The following ENTPD4 variants were observed in gnomAD, a reference collection of about 807,000 sequenced individuals.
ENTPD4 encodes ectonucleoside triphosphate diphosphohydrolase 4, also known as Golgi UDPase.
A neutral mutation model predicts 79.1 loss-of-function variants in ENTPD4; 60 were observed. That is an observed-to-expected ratio of 0.76 (90% CI 0.62 to 0.94). The LOEUF (loss-of-function observed/expected upper bound fraction) is 0.94, where lower values mean the gene tolerates loss of function less well. Among genes scored for constraint, ENTPD4 ranks in the 40% least tolerant of loss-of-function variants. ENTPD4 has a pLI of 0.00. For missense variants in ENTPD4, 772 were observed against 775.1 expected (o/e 1.00, Z 0.05); for synonymous variants, 276 against 292.0 (o/e 0.95, Z 0.56).
rs944237579 is a variant in ENTPD4 at position 23,447,555 on chromosome 8, A to G, written c.412+125T>C. On this transcript the variant is annotated intron_variant, in intron 4 of 12. Coordinates refer to ENST00000358689, the MANE Select transcript of ENTPD4 (RefSeq NM_004901.5). ...AGGGAAAAGAAAGTGAAACAAGGAG[A>G]CCCATCAGGTCCTGGTGTGAGGTTT... 53 of 747,726 alleles carry G rather than the reference A, an allele frequency of 7.1e-5. No homozygotes were observed. In the Admixed American group the frequency reaches 1.1e-3, roughly 16 times the overall value. The allele number at this position is 747,726 out of a possible 1,614,324, so 46.3% of individuals were successfully genotyped here.
At position 23,430,844 on chromosome 8, in the gene ENTPD4, A is replaced by T; in HGVS notation, c.*2082T>A. The stretch of plus-strand genomic sequence containing the variant: ...TCGCCAGCTCCCTGCAGCCTCCACC[A>T]ATAATCCATGGCTCCTCCAGGAAGT... On this transcript the variant is annotated 3_prime_UTR_variant, in exon 13 of 13. Transcript: ENST00000358689. The T allele has an allele frequency of 1.0e-6, 1 of 985,528 alleles. No homozygotes were observed. Among genetic ancestry groups the T allele is most frequent in the Non-Finnish European group, 1.2e-6 (1 of 830,056 alleles). The allele number at this position is 985,528 out of a possible 1,614,324, so 61.0% of individuals were successfully genotyped here. A position where few individuals can be genotyped will look rare whatever the true frequency, so the allele number is the denominator to read the frequency against.
chr8:23,455,325 T>C (rs1458126775), intron 1 of ENTPD4, among the ~76,000 whole-genome samples: 1 of 152,158 alleles, frequency 6.6e-6, no homozygotes, highest in African/African-American at 2.4e-5. Context: ...GAAGGGTACT[T>C]CAGAAAAGAA....
chr8:23,441,962 C>T (rs1302025659), intron 7 of ENTPD4, 45 bp downstream of exon 7: 1 of 1,527,526 alleles, frequency 6.5e-7, no homozygotes, highest in East Asian at 2.3e-5. Context: ...AACAGAAAAG[C>T]ACCAATTTCC....
intron 6 of ENTPD4, among the ~76,000 whole-genome samples, 200 bp downstream of exon 6, chr8:23,443,650 C>A (rs984970881): frequency 4.6e-5 from 7 of 152,190 alleles, no homozygotes; most frequent in Admixed American, 1.3e-4. Flanking sequence ...AAACGGTTAT[C>A]TTTCAGTGGC....
rs1488365533 is a variant in ENTPD4, at chr8:23,431,946, A to G, written c.*980T>C. 2 of 985,318 alleles carry G rather than the reference A, an allele frequency of 2.0e-6. No homozygotes were observed. The highest frequency in any genetic ancestry group is 1.1e-4 in the East Asian group (1 of 8,830). The allele number at this position is 985,318 out of a possible 1,614,324, so 61.0% of individuals were successfully genotyped here. On this transcript the variant is annotated 3_prime_UTR_variant, in exon 13 of 13. Coordinates refer to ENST00000358689, the MANE Select transcript of ENTPD4 (RefSeq NM_004901.5). ...ATTTTTCTAAATAAAATGTACCAGT[A>G]AATTCTGAAGTGTGTGTTTTTAAAG...
chr8:23,440,864 T>G (rs1454754464), intron 8 of ENTPD4, among the ~76,000 whole-genome samples: 5 of 152,180 alleles, frequency 3.3e-5, no homozygotes, highest in South Asian at 2.1e-4. Context: ...AGGAGGAGGA[T>G]GATGAAGAAA....
At chr8:23,447,194 A>G (rs927808610) in intron 4 of ENTPD4, among the ~76,000 whole-genome samples, 7 of 152,232 alleles carry the variant, frequency 4.6e-5, no homozygotes, top group African/African-American at 1.4e-4. Context: ...TATCTTTAAA[A>G]ACTATACATA....
At chr8:23,436,767 T>C (rs1263014971) in intron 10 of ENTPD4, among the ~76,000 whole-genome samples, 167 bp downstream of exon 10, 1 of 152,156 alleles carries the variant, frequency 6.6e-6, no homozygotes, top group African/African-American at 2.4e-5. Context: ...ACTTCTGCTG[T>C]GACTATTCAA....
At chr8:23,435,223 G>A (rs1021902937) in intron 11 of ENTPD4, among the ~76,000 whole-genome samples, 169 bp downstream of exon 11, 1 of 152,200 alleles carries the variant, frequency 6.6e-6, no homozygotes, top group Non-Finnish European at 1.5e-5. Context: ...AAAAGATACG[G>A]AATATGTCTG....
Position 23,431,692 on chromosome 8 carries a change from G to C in ENTPD4, c.*1234C>G. 1 of 985,498 alleles carries C rather than the reference G, an allele frequency of 1.0e-6. No homozygotes were observed. The highest frequency in any genetic ancestry group is 1.2e-6 in the Non-Finnish European group (1 of 830,030). The allele number at this position is 985,498 out of a possible 1,614,324, so 61.0% of individuals were successfully genotyped here. ...AAAGCTGAGATGACTTTTAATTAAG[G>C]GGGGTGGGGGAAACACCAATTGGAA... On this transcript the variant is annotated 3_prime_UTR_variant, in exon 13 of 13. Coordinates refer to ENST00000358689, the MANE Select transcript of ENTPD4 (RefSeq NM_004901.5).
intron 3 of ENTPD4, among the ~76,000 whole-genome samples, chr8:23,448,342 T>C (rs1585409174): frequency 6.6e-6 from 1 of 152,158 alleles, no homozygotes; most frequent in Non-Finnish European, 1.5e-5. Flanking sequence ...CCAAACGTCG[T>C]GAAGCCATGA....
Position 23,437,253 on chromosome 8 carries a change from A to G in ENTPD4, c.1055T>C (p.Leu352Pro), listed in dbSNP as rs770836670. 1.3e-5 allele frequency: 20 copies of G among 1,582,896 alleles called. No individual in the cohort carries two copies. The Middle Eastern group carries it at 1.0e-3, about 81-fold the overall frequency. Residue 352 changes from leucine to proline, a missense_variant, in exon 10 of 13, where the codon CTG becomes CCG. Leu to Pro is a moderately conservative substitution (Grantham distance 98, BLOSUM62 -3). Coordinates refer to ENST00000358689, the MANE Select transcript of ENTPD4 (RefSeq NM_004901.5). Reference protein sequence around the residue: ...FANTIQKNRLLGKQTGLTPDM... With the variant: ...FANTIQKNRLPGKQTGLTPDM... The stretch of plus-strand genomic sequence containing the variant: ...AGGAGTCAGACCAGTCTGTTTACCC[A>G]GGAGCCTATGGCAAAACAAGAAACT...
intron 4 of ENTPD4, among the ~76,000 whole-genome samples, chr8:23,446,343 A>G (rs1472213545): frequency 6.6e-6 from 1 of 152,212 alleles, no homozygotes; most frequent in East Asian, 1.9e-4. Flanking sequence ...GGGACCTGGT[A>G]CGTGAAGCTA....
chr8:23,446,069 C>T (rs973173125), intron 4 of ENTPD4, among the ~76,000 whole-genome samples: 4 of 152,202 alleles, frequency 2.6e-5, no homozygotes, highest in African/African-American at 9.6e-5. Context: ...ACTAGCCAGA[C>T]CCTATTAAGA....
rs1168190751 is a variant in ENTPD4, at chr8:23,432,026, C to CA, written c.*899dup. 1 of 985,374 alleles carries CA rather than the reference C, an allele frequency of 1.0e-6. No individual in the cohort carries two copies. Among genetic ancestry groups the CA allele is most frequent in the East Asian group, 1.1e-4 (1 of 8,810 alleles). The allele number at this position is 985,374 out of a possible 1,614,324, so 61.0% of individuals were successfully genotyped here. A position where few individuals can be genotyped will look rare whatever the true frequency, so the allele number is the denominator to read the frequency against. Reference sequence around the variant, plus strand: ...TCTTGGGATTTTTCACACACTCGCACAAAGCTGTAGTCGATAGTTCACTAT... The same window carrying CA: ...TCTTGGGATTTTTCACACACTCGCACAAAAGCTGTAGTCGATAGTTCACTAT... On this transcript the variant is annotated 3_prime_UTR_variant, in exon 13 of 13. Coordinates refer to ENST00000358689, the MANE Select transcript of ENTPD4 (RefSeq NM_004901.5).
At chr8:23,451,630 A>AAGGCTCTGACCTCAG (rs1214160440) in intron 1 of ENTPD4, among the ~76,000 whole-genome samples, 1 of 152,186 alleles carries the variant, frequency 6.6e-6, no homozygotes, top group Non-Finnish European at 1.5e-5. Flanking sequence ...AACACCTGTT[A>AAGGCTCTGACCTCAG]AGGCTCTGAC....
chr8:23,441,165 C>G (rs561474233), intron 8 of ENTPD4, among the ~76,000 whole-genome samples: 1 of 152,256 alleles, frequency 6.6e-6, no homozygotes, highest in East Asian at 1.9e-4. Context: ...GGATACAAAC[C>G]TCAATCTTCC....
chr8:23,430,230 T>C lies in ENTPD4; in HGVS notation c.*2696A>G. 1 of 985,426 alleles carries C rather than the reference T, an allele frequency of 1.0e-6. No individual in the cohort carries two copies. The highest frequency in any genetic ancestry group is 1.2e-6 in the Non-Finnish European group (1 of 829,930). 61.0% of individuals were successfully genotyped at this position (985,426 alleles called of 1,614,324 possible). On this transcript the variant is annotated 3_prime_UTR_variant, in exon 13 of 13. Transcript: ENST00000358689. ...ATGTGATTTGCTGCGACTGCAGACA[T>C]CTCCATACGGCATAATGAACTCCCT... is the stretch of plus-strand genomic sequence containing the variant.
At chr8:23,443,502 G>A (rs1800709832) in intron 6 of ENTPD4, among the ~76,000 whole-genome samples, 1 of 152,178 alleles carries the variant, frequency 6.6e-6, no homozygotes, top group Admixed American at 6.5e-5. Context: ...ATTTCTCAGT[G>A]TATCAAAGTC....
Sources: allele counts gnomAD v4.1 joint callset (sites outside exome capture counted in the v4.1 genomes callset), GRCh38; gene constraint gnomAD v4.1.1; transcripts MANE v1.5; gene names NCBI Gene and HGNC (gene_info 2026-07-23, HGNC 2026-07-21).